The following PARD6G variants were observed in gnomAD, a reference collection of about 807,000 sequenced individuals.
The protein encoded by PARD6G is par-6 family cell polarity regulator gamma, also known as partitioning defective 6 homolog gamma.
PARD6G carries 7 observed loss-of-function variants against 10.7 expected under a neutral mutation model. The observed-to-expected ratio is 0.66, with a 90% CI of 0.37 to 1.23. PARD6G has a LOEUF of 1.23. PARD6G is among the 50% of genes most tolerant of loss of function. The pLI, the probability that PARD6G is intolerant of heterozygous loss-of-function variation, is 0.02. For synonymous variants in PARD6G, 287 were observed against 269.4 expected, an observed-to-expected ratio of 1.07 and a Z score of -0.64; for missense variants, 548 against 571.8, an observed-to-expected ratio of 0.96 and a Z score of 0.42.
intron 1 of PARD6G, among the ~76,000 whole-genome samples, chr18:80,220,372 A>G (rs1967215912): frequency 6.6e-6 from 1 of 152,190 alleles, no homozygotes; most frequent in Non-Finnish European, 1.5e-5. Context: ...CAGCCAAACC[A>G]TATCAGGAGA....
intron 1 of PARD6G, among the ~76,000 whole-genome samples, chr18:80,225,325 C>T (rs1031223162): frequency 1.3e-5 from 2 of 152,316 alleles, no homozygotes; most frequent in East Asian, 3.9e-4. Context: ...TTCAACAAAC[C>T]AAAGGGAGGG....
In PARD6G at chr18:80,159,961, T is replaced by C. The variant is rs755650143; in HGVS notation, c.941A>G (p.Gln314Arg). Residue 314 changes from glutamine to arginine, a missense_variant, in exon 3 of 3, where the codon CAG (glutamine) becomes CGG (arginine). By Grantham distance (43) the Gln-to-Arg change is conservative. Coordinates refer to ENST00000353265, the MANE Select transcript of PARD6G (RefSeq NM_032510.4). ...GCTGCCTGCGGGCGCGCCCGGGGTC[T>C]GGGGGGGACGTGCAGGCTCCAGTGT... ...EGTLEPARPP[Q>R]TPGAPAGSLS... The C allele has an allele frequency of 6.7e-7, 1 of 1,496,090 alleles. No homozygotes were observed. Among genetic ancestry groups the C allele is most frequent in the Non-Finnish European group, 8.8e-7 (1 of 1,133,196 alleles). 92.7% of individuals were successfully genotyped at this position (1,496,090 alleles called of 1,614,324 possible).
rs570743362 is a variant in PARD6G at position 80,174,811 on chromosome 18, G to A, written c.296-14205C>T. ...CTACTAAAAATACAAAAAATTAGCC[G>A]GGCTTGGTGGCGGGCGCCTGTAGTC... On this transcript the variant is annotated intron_variant, in intron 2 of 2. Transcript: ENST00000353265. Among the ~76,000 whole-genome samples, 17 of 152,214 alleles carry A rather than the reference G, an allele frequency of 1.1e-4. No homozygotes were observed. In the South Asian group the frequency reaches 1.9e-3, roughly 17 times the overall value.
intron 2 of PARD6G, among the ~76,000 whole-genome samples, chr18:80,198,814 G>A (rs1246686295): frequency 6.6e-6 from 1 of 152,194 alleles, no homozygotes; most frequent in African/African-American, 2.4e-5. Context: ...CCAGGGCCAT[G>A]GCTCAGATCC....
chr18:80,207,808 C>A lies in PARD6G; in HGVS notation c.73-4876G>T, dbSNP rs999096045. ...AAAAATATTTGAACTTCAATTTATACATATTTTTTGTTGCAGAGAAGAGTA... is the reference window on the plus strand; with the variant it reads ...AAAAATATTTGAACTTCAATTTATAAATATTTTTTGTTGCAGAGAAGAGTA... On this transcript the variant is annotated intron_variant, in intron 1 of 2. Transcript: ENST00000353265. Among the ~76,000 whole-genome samples, 4 of 152,112 alleles carry A rather than the reference C, an allele frequency of 2.6e-5. No homozygotes were observed. The East Asian group carries it at 5.8e-4, about 22-fold the overall frequency.
At chr18:80,198,384 G>C (rs548656384) in intron 2 of PARD6G, among the ~76,000 whole-genome samples, 1 of 152,218 alleles carries the variant, frequency 6.6e-6, no homozygotes, top group African/African-American at 2.4e-5. Flanking sequence ...AAACAAATGT[G>C]TGACAGATTA....
At chr18:80,229,190 G>C (rs1427268127) in intron 1 of PARD6G, among the ~76,000 whole-genome samples, 1 of 152,088 alleles carries the variant, frequency 6.6e-6, no homozygotes, top group Non-Finnish European at 1.5e-5. Context: ...CACCCACCTC[G>C]GTCTCCCAAA....
In PARD6G at chr18:80,247,038, G is replaced by C. The variant is rs896171473; in HGVS notation, c.72+239C>G. 1.3e-5 allele frequency among the ~76,000 whole-genome samples: 2 copies of C among 152,160 alleles called. No individual in the cohort carries two copies. Among genetic ancestry groups the C allele is most frequent in the African/African-American group, 2.4e-5 (1 of 41,452 alleles). ...AGCGGGTCCAGAGTCTGCCCGGACT[G>C]TCCGATGGCCCTCGGCCCTCTGAGC... On this transcript the variant is annotated intron_variant, in intron 1 of 2. Coordinates refer to ENST00000353265, the MANE Select transcript of PARD6G (RefSeq NM_032510.4). This position sits in a 1 kb window ranked among gnomAD's most constrained non-coding sequence, Gnocchi z 4.2.
intron 1 of PARD6G, among the ~76,000 whole-genome samples, chr18:80,223,312 GAAGA>G (rs1254725417): frequency 6.6e-6 from 1 of 152,174 alleles, no homozygotes; most frequent in Non-Finnish European, 1.5e-5. Flanking sequence ...GGAACATCAT[GAAGA>G]AAGTGAAAAG....
At chr18:80,163,926 G>A (rs986119335) in intron 2 of PARD6G, among the ~76,000 whole-genome samples, 6 of 152,202 alleles carry the variant, frequency 3.9e-5, no homozygotes, top group Non-Finnish European at 7.3e-5. Context: ...CTCAGGACCG[G>A]AGAAGCAACA....
At position 80,201,765 on chromosome 18, in the gene PARD6G, C is replaced by G. The variant is rs1318566840; in HGVS notation, c.295+945G>C. Reference sequence around the variant, plus strand: ...GGATGGGGGTTACTATGAGGACCCTCGTTTTGCAAAGCAGGACGCTGGGGT... The same window carrying G: ...GGATGGGGGTTACTATGAGGACCCTGGTTTTGCAAAGCAGGACGCTGGGGT... On this transcript the variant is annotated intron_variant, in intron 2 of 2. Coordinates refer to ENST00000353265, the MANE Select transcript of PARD6G (RefSeq NM_032510.4). The surrounding 1 kb of genome is among the most constrained non-coding windows in gnomAD (Gnocchi z 5.9). 6.6e-6 allele frequency among the ~76,000 whole-genome samples: 1 copy of G among 152,256 alleles called. No homozygotes were observed. Among genetic ancestry groups the G allele is most frequent in the Non-Finnish European group, 1.5e-5 (1 of 68,046 alleles).
In PARD6G at chr18:80,180,282, G is replaced by C. The variant is rs1041478255; in HGVS notation, c.296-19676C>G. On this transcript the variant is annotated intron_variant, in intron 2 of 2. Coordinates refer to ENST00000353265, the MANE Select transcript of PARD6G (RefSeq NM_032510.4). The surrounding 1 kb of genome is among the most constrained non-coding windows in gnomAD (Gnocchi z 5.6). ...CGCCTGCTACCTGAGGCCTCTGCTTGGGAAGTTCCTGTCAGGAGAGGCAGG... is the reference window on the plus strand; with the variant it reads ...CGCCTGCTACCTGAGGCCTCTGCTTCGGAAGTTCCTGTCAGGAGAGGCAGG... Among the ~76,000 whole-genome samples, 8 of 152,230 alleles carry C rather than the reference G, an allele frequency of 5.3e-5. No homozygotes were observed. The highest frequency in any genetic ancestry group is 1.9e-4 in the African/African-American group (8 of 41,458).
chr18:80,165,674 G>T (rs999554281), intron 2 of PARD6G, among the ~76,000 whole-genome samples: 4 of 152,222 alleles, frequency 2.6e-5, no homozygotes, highest in African/African-American at 9.6e-5. Flanking sequence ...CTCCATTCAG[G>T]GTCCCTGACT....
In PARD6G at chr18:80,182,502, C is replaced by T. The variant is rs1406920186; in HGVS notation, c.295+20208G>A. 6.6e-6 allele frequency among the ~76,000 whole-genome samples: 1 copy of T among 152,256 alleles called. No homozygotes were observed. The highest frequency in any genetic ancestry group is 1.5e-5 in the Non-Finnish European group (1 of 68,044). On this transcript the variant is annotated intron_variant, in intron 2 of 2. Transcript: ENST00000353265. The surrounding 1 kb of genome is among the most constrained non-coding windows in gnomAD (Gnocchi z 4.5). ...TTGTTATTGCCAAGGAAGCCATCTT[C>T]CCCTGCTTTGACACCTCAACTGTGA...
At chr18:80,240,180 A>T (rs921025192) in intron 1 of PARD6G, among the ~76,000 whole-genome samples, 1 of 152,224 alleles carries the variant, frequency 6.6e-6, no homozygotes, top group African/African-American at 2.4e-5. Context: ...CCAAATTTCA[A>T]CATGAGGTTT....
rs1277368090 is a variant in PARD6G at position 80,161,690 on chromosome 18, G to A, written c.296-1084C>T. 1 of 152,254 alleles carries A rather than the reference G, an allele frequency of 6.6e-6. No homozygotes were observed. Among genetic ancestry groups the A allele is most frequent in the African/African-American group, 2.4e-5 (1 of 41,460 alleles). The allele number at this position is 152,254 out of a possible 1,614,324, so 9.4% of individuals were successfully genotyped here. Reference sequence around the variant, plus strand: ...TTGCTCTGTGAGGCTTGGTCCTGTGGAGTTGGTGGCATCCACAGCAGCCTG... The same window carrying A: ...TTGCTCTGTGAGGCTTGGTCCTGTGAAGTTGGTGGCATCCACAGCAGCCTG... On this transcript the variant is annotated intron_variant, in intron 2 of 2. Transcript: ENST00000353265. The surrounding 1 kb of genome is among the most constrained non-coding windows in gnomAD (Gnocchi z 4.6).
At chr18:80,217,547 C>A (rs903873193) in intron 1 of PARD6G, among the ~76,000 whole-genome samples, 1 of 152,150 alleles carries the variant, frequency 6.6e-6, no homozygotes, top group Admixed American at 6.5e-5. Flanking sequence ...ATGATGTGAT[C>A]AAGATACCAC....
intron 2 of PARD6G, among the ~76,000 whole-genome samples, chr18:80,194,541 C>T (rs184215692): frequency 6.6e-6 from 1 of 152,166 alleles, no homozygotes; most frequent in East Asian, 1.9e-4. Flanking sequence ...TCTAAATGTT[C>T]TCAGGCAGAG....
intron 1 of PARD6G, among the ~76,000 whole-genome samples, chr18:80,218,503 G>A (rs1328307721): frequency 6.6e-6 from 1 of 152,180 alleles, no homozygotes; most frequent in Non-Finnish European, 1.5e-5. Flanking sequence ...AGGCTCCCAT[G>A]GCCTTGGGCA....
Sources: gnomAD v4.1 joint callset for allele counts (sites outside exome capture counted in the v4.1 genomes callset) on GRCh38, gnomAD v4.1.1 for gene constraint, Gnocchi (gnomAD v3.1) non-coding constraint, MANE v1.5 for transcripts, NCBI Gene and HGNC (gene_info 2026-07-23, HGNC 2026-07-21) for gene names.